The following CAMK2A variants were observed in gnomAD, a reference collection of about 807,000 sequenced individuals.
CAMK2A encodes calcium/calmodulin dependent protein kinase II alpha, also known as calcium/calmodulin-dependent protein kinase type II subunit alpha.
CAMK2A carries 7 observed loss-of-function variants against 79.2 expected under a neutral mutation model. That is an observed-to-expected ratio of 0.09 (90% CI 0.05 to 0.17). CAMK2A has a LOEUF of 0.17. CAMK2A is among the 10% of genes least tolerant of loss of function. The pLI is 1.00. For synonymous variants in CAMK2A, 242 were observed against 251.7 expected (o/e 0.96, Z 0.36); for missense variants, 214 against 646.4 (o/e 0.33, Z 7.25).
At chr5:150,263,023 T>G (rs569946732) in intron 3 of CAMK2A, among the ~76,000 whole-genome samples, 3 of 152,108 alleles carry the variant, frequency 2.0e-5, no homozygotes, top group African/African-American at 7.2e-5. Context: ...TGATGGAAGG[T>G]GTTGGTTGGG....
intron 7 of CAMK2A, among the ~76,000 whole-genome samples, 179 bp from the exon 8 acceptor site, chr5:150,252,244 C>T (rs183412695): frequency 0.012 from 1,772 of 152,260 alleles, 24 homozygotes; most frequent in South Asian, 0.018. Flanking sequence ...AAGACATAAG[C>T]CTGATGAGCC....
Position 150,221,030 on chromosome 5 carries a change from T to G in CAMK2A, c.*1680A>C, listed in dbSNP as rs1754280967. The G allele has an allele frequency of 6.5e-6, 1 of 154,924 alleles. No homozygotes were observed. The highest frequency in any genetic ancestry group is 1.4e-5 in the Non-Finnish European group (1 of 69,976). The allele number at this position is 154,924 out of a possible 1,614,324, so 9.6% of individuals were successfully genotyped here. On this transcript the variant is annotated 3_prime_UTR_variant, in exon 19 of 19. Coordinates refer to ENST00000671881, the MANE Select transcript of CAMK2A (RefSeq NM_015981.4). ...CTAAAATCCTCCAGAGGGGACAGTATCTCATGCTGGCAAAACACGGCCACA... is the reference window on the plus strand; with the variant it reads ...CTAAAATCCTCCAGAGGGGACAGTAGCTCATGCTGGCAAAACACGGCCACA...
intron 11 of CAMK2A, among the ~76,000 whole-genome samples, chr5:150,248,468 A>G (rs1755677243): frequency 7.0e-6 from 1 of 143,744 alleles, no homozygotes. Context: ...TATATCTCCT[A>G]ATGCTATCCC....
Position 150,221,351 on chromosome 5 carries a change from G to C in CAMK2A, c.*1359C>G. 1 of 398,426 alleles carries C rather than the reference G, an allele frequency of 2.5e-6. No individual in the cohort carries two copies. The allele number at this position is 398,426 out of a possible 1,614,324, so 24.7% of individuals were successfully genotyped here. A position where few individuals can be genotyped will look rare whatever the true frequency, so the allele number is the denominator to read the frequency against. ...GAGGCTGCAGGATGAGGCATGAAGA[G>C]TAGAAATTCCCAGTGCTTTGCTGTG... is the stretch of plus-strand genomic sequence containing the variant. On this transcript the variant is annotated 3_prime_UTR_variant, in exon 19 of 19. Transcript: ENST00000671881.
intron 1 of CAMK2A, among the ~76,000 whole-genome samples, chr5:150,286,126 G>A (rs567824186): frequency 5.3e-5 from 8 of 152,292 alleles, no homozygotes; most frequent in African/African-American, 1.4e-4. Flanking sequence ...CTTCGGTGCC[G>A]CTAGGATCTG....
intron 1 of CAMK2A, among the ~76,000 whole-genome samples, chr5:150,275,491 C>T (rs914092840): frequency 3.3e-5 from 5 of 152,178 alleles, no homozygotes; most frequent in Admixed American, 1.3e-4. Flanking sequence ...AGGGCTAAGT[C>T]CTACAAGACT....
At chr5:150,278,258 C>G (rs1757039632) in intron 1 of CAMK2A, among the ~76,000 whole-genome samples, 1 of 152,030 alleles carries the variant, frequency 6.6e-6, no homozygotes, top group Admixed American at 6.5e-5. Context: ...GCTACCTAGG[C>G]AGCCCCAGGC....
intron 15 of CAMK2A, chr5:150,238,438 C>T (rs890181374): frequency 2.0e-5 from 7 of 351,600 alleles, no homozygotes; most frequent in East Asian, 6.7e-5. Context: ...GACGACAGAG[C>T]GAGACGTCAT....
chr5:150,256,944 C>A lies in CAMK2A; in HGVS notation c.273-113G>T. 2 of 864,312 alleles carry A rather than the reference C, an allele frequency of 2.3e-6. No individual in the cohort carries two copies. The highest frequency in any genetic ancestry group is 3.5e-5 in the South Asian group (2 of 56,722). The allele number at this position is 864,312 out of a possible 1,614,324, so 53.5% of individuals were successfully genotyped here. On this transcript the variant is annotated intron_variant, in intron 4 of 18. Coordinates refer to ENST00000671881, the MANE Select transcript of CAMK2A (RefSeq NM_015981.4). This position sits in a 1 kb window ranked among gnomAD's most constrained non-coding sequence, Gnocchi z 4.6. The stretch of plus-strand genomic sequence containing the variant: ...CCCAGGGACCTCAGGACCTCAGCCA[C>A]AAAAGGAGGGGCCCCAGGGTCACGG...
At chr5:150,269,682 G>C (rs1756655150) in intron 2 of CAMK2A, among the ~76,000 whole-genome samples, 1 of 152,082 alleles carries the variant, frequency 6.6e-6, no homozygotes, top group African/African-American at 2.4e-5. Context: ...GACTCCAGCA[G>C]GCAGGCGGCC....
chr5:150,232,012 C>T (rs1270168048), intron 15 of CAMK2A, among the ~76,000 whole-genome samples: 4 of 152,210 alleles, frequency 2.6e-5, no homozygotes, highest in African/African-American at 9.7e-5. Context: ...CCCCTATCTG[C>T]CACTGAAACA....
chr5:150,269,705 A>G (rs1756656485), intron 2 of CAMK2A, among the ~76,000 whole-genome samples: 1 of 152,172 alleles, frequency 6.6e-6, no homozygotes, highest in Admixed American at 6.5e-5. Context: ...AAATTCCAGC[A>G]GGAGACACAC....
At chr5:150,261,600 AT>A (rs1270401676) in intron 3 of CAMK2A, among the ~76,000 whole-genome samples, 26 of 152,140 alleles carry the variant, frequency 1.7e-4, no homozygotes, top group Middle Eastern at 3.4e-3. Context: ...CCGACAGTGG[AT>A]TTTTTTCTTG....
chr5:150,264,638 C>T (rs1167628634), intron 3 of CAMK2A, among the ~76,000 whole-genome samples: 3 of 152,316 alleles, frequency 2.0e-5, no homozygotes, highest in East Asian at 3.9e-4. Context: ...GAATGGGCCA[C>T]AGCGGTCAAG....
At chr5:150,237,487 G>A (rs971881617) in intron 15 of CAMK2A, among the ~76,000 whole-genome samples, 1 of 152,012 alleles carries the variant, frequency 6.6e-6, no homozygotes, top group African/African-American at 2.4e-5. Flanking sequence ...TGGAGGATTT[G>A]GTGTCCCCAG....
chr5:150,247,141 T>C (rs1453222418), intron 12 of CAMK2A, among the ~76,000 whole-genome samples: 1 of 152,274 alleles, frequency 6.6e-6, no homozygotes, highest in Non-Finnish European at 1.5e-5. Flanking sequence ...CCAGCCCAGT[T>C]TGGCCAAGGG....
intron 2 of CAMK2A, among the ~76,000 whole-genome samples, chr5:150,265,944 A>C (rs1415146392): frequency 1.3e-5 from 2 of 152,042 alleles, no homozygotes; most frequent in African/African-American, 4.8e-5. Flanking sequence ...CAAAAAAAAA[A>C]AAAAGAAAAG....
chr5:150,256,744 C>A lies in CAMK2A; in HGVS notation c.338+22G>T. ...AGTGCCCTGTCCCCGGGTGCCATTGCCAGGCAGCACCTGACACTCACCTGG... is the reference window on the plus strand; with the variant it reads ...AGTGCCCTGTCCCCGGGTGCCATTGACAGGCAGCACCTGACACTCACCTGG... On this transcript the variant is annotated intron_variant, in intron 5 of 18. Transcript: ENST00000671881. The surrounding 1 kb of genome is among the most constrained non-coding windows in gnomAD (Gnocchi z 4.6). 6.2e-7 allele frequency: 1 copy of A among 1,611,352 alleles called. No individual in the cohort carries two copies. The highest frequency in any genetic ancestry group is 8.5e-7 in the Non-Finnish European group (1 of 1,177,518).
chr5:150,264,921 G>A (rs780347125), intron 3 of CAMK2A, 35 bp downstream of exon 3: 46 of 1,580,848 alleles, frequency 2.9e-5, no homozygotes, highest in Middle Eastern at 1.7e-4. Context: ...GCAGGGCCTG[G>A]CTCCCCTGCG....
Sources: allele counts gnomAD v4.1 joint callset (sites outside exome capture counted in the v4.1 genomes callset), GRCh38; gene constraint gnomAD v4.1.1; non-coding constraint Gnocchi (gnomAD v3.1); transcripts MANE v1.5; gene names NCBI Gene and HGNC (gene_info 2026-07-23, HGNC 2026-07-21).